SMYD3: variants seen among roughly 807,000 people sequenced by gnomAD.
SMYD3 encodes the protein SET and MYND domain containing 3.
SMYD3 carries 36 observed loss-of-function variants against 57.7 expected under a neutral mutation model. The ratio of observed to expected loss-of-function variants is 0.62; its 90% confidence interval spans 0.48 to 0.82. SMYD3 has a LOEUF of 0.82. Ranked by LOEUF, SMYD3 falls within the 40% of genes least tolerant of loss-of-function variation. The pLI is 0.00. For missense variants in SMYD3, 515 were observed against 538.8 expected (o/e 0.96, Z 0.44); for synonymous variants, 211 against 195.0 (o/e 1.08, Z -0.68).
intron 8 of SMYD3, among the ~76,000 whole-genome samples, chr1:245,904,360 C>A (rs2054406060): frequency 6.6e-6 from 1 of 152,116 alleles, no homozygotes; most frequent in Admixed American, 6.5e-5. Flanking sequence ...AACTGTGAGA[C>A]AATTAAAACT....
At chr1:246,410,607 A>G (rs1187190047) in intron 1 of SMYD3, among the ~76,000 whole-genome samples, 1 of 152,196 alleles carries the variant, frequency 6.6e-6, no homozygotes, top group Admixed American at 6.5e-5. Context: ...ATCGATGTTC[A>G]TCAAGGATAT....
chr1:246,268,933 C>A (rs2064163812), intron 5 of SMYD3, among the ~76,000 whole-genome samples: 2 of 148,674 alleles, frequency 1.3e-5, no homozygotes, highest in Admixed American at 1.4e-4. Flanking sequence ...ATAAAATGAT[C>A]CAAACTTCAT....
rs111362662 is a variant in SMYD3, at chr1:246,466,765, T to C, written c.164+40289A>G. On this transcript the variant is annotated intron_variant, in intron 1 of 11. Transcript: ENST00000490107. ...CAGGAGGCTGATGGGGGAGGATCACTTGAGCCCGGGAAATCAAGGCTCCAG... is the reference window on the plus strand; with the variant it reads ...CAGGAGGCTGATGGGGGAGGATCACCTGAGCCCGGGAAATCAAGGCTCCAG... Among the ~76,000 whole-genome samples, 930 of 152,288 alleles carry C rather than the reference T, an allele frequency of 6.1e-3. 8 individuals carry two copies. The highest frequency in any genetic ancestry group is 0.021 in the African/African-American group (885 of 41,558).
At chr1:245,766,533 C>T (rs2046112024) in intron 10 of SMYD3, among the ~76,000 whole-genome samples, 1 of 151,940 alleles carries the variant, frequency 6.6e-6, no homozygotes, top group East Asian at 1.9e-4. Context: ...TCACCCCTTA[C>T]GAAATGAACA....
chr1:246,151,795 C>G (rs1032600456), intron 5 of SMYD3, among the ~76,000 whole-genome samples: 1 of 152,024 alleles, frequency 6.6e-6, no homozygotes, highest in African/African-American at 2.4e-5. Flanking sequence ...AGGATTCAGG[C>G]GTATGTAGGC....
At chr1:245,804,658 A>G (rs1248680158) in intron 10 of SMYD3, among the ~76,000 whole-genome samples, 1 of 152,204 alleles carries the variant, frequency 6.6e-6, no homozygotes, top group African/African-American at 2.4e-5. Context: ...GCTCTTATAA[A>G]TGAATTAGTA....
intron 8 of SMYD3, among the ~76,000 whole-genome samples, chr1:245,913,297 G>A (rs1418165768): frequency 6.6e-6 from 1 of 151,032 alleles, no homozygotes; most frequent in African/African-American, 2.4e-5. Context: ...TCACTCATAG[G>A]TGGGAATTGA....
chr1:246,076,845 A>C (rs1405687501), intron 5 of SMYD3, among the ~76,000 whole-genome samples: 4 of 152,254 alleles, frequency 2.6e-5, no homozygotes, highest in South Asian at 2.1e-4. Flanking sequence ...GCATAGAAGA[A>C]GACGAGATAA....
chr1:245,932,240 G>C (rs529194201), intron 5 of SMYD3, among the ~76,000 whole-genome samples: 87 of 152,160 alleles, frequency 5.7e-4, no homozygotes, highest in African/African-American at 2.1e-3. Context: ...GCAAATTAAC[G>C]GTTTTTTCAA....
At position 245,749,516 on chromosome 1, in the gene SMYD3, G is replaced by T; in HGVS notation, c.*47C>A. On this transcript the variant is annotated 3_prime_UTR_variant, in exon 12 of 12. Transcript: ENST00000490107. ...AGCATAGAGTGTGTGACCTCAATAAGGCATTCAACAAAGACACACGCCGTA... is the reference window on the plus strand; with the variant it reads ...AGCATAGAGTGTGTGACCTCAATAATGCATTCAACAAAGACACACGCCGTA... 7.1e-7 allele frequency: 1 copy of T among 1,408,002 alleles called. No individual in the cohort carries two copies. The highest frequency in any genetic ancestry group is 1.0e-6 in the Non-Finnish European group (1 of 992,606). 87.2% of individuals were successfully genotyped at this position (1,408,002 alleles called of 1,614,324 possible).
intron 5 of SMYD3, among the ~76,000 whole-genome samples, chr1:246,252,631 T>C (rs1479223895): frequency 6.6e-6 from 1 of 152,216 alleles, no homozygotes; most frequent in Admixed American, 6.5e-5. Context: ...TATTAACTTA[T>C]CACTGGGTAC....
At position 245,842,139 on chromosome 1, in the gene SMYD3, C is replaced by A. The variant is rs144315145; in HGVS notation, c.1076+16357G>T. ...GTGTAAATACATTTCATGACGATTGCGTGACAACAAAATCATCTAATGACG... is the reference window on the plus strand; with the variant it reads ...GTGTAAATACATTTCATGACGATTGAGTGACAACAAAATCATCTAATGACG... On this transcript the variant is annotated intron_variant, in intron 10 of 11. Coordinates refer to ENST00000490107, the MANE Select transcript of SMYD3 (RefSeq NM_001167740.2). 5.0e-3 allele frequency among the ~76,000 whole-genome samples: 760 copies of A among 152,194 alleles called. 5 individuals are homozygous for A. Among genetic ancestry groups the A allele is most frequent in the Admixed American group, 8.5e-3 (130 of 15,276 alleles).
chr1:246,036,364 C>A (rs905742586), intron 5 of SMYD3, among the ~76,000 whole-genome samples: 3 of 151,924 alleles, frequency 2.0e-5, no homozygotes, highest in Non-Finnish European at 4.4e-5. Flanking sequence ...GGATGACCAT[C>A]CCCCCATCCA....
At chr1:246,265,227 C>T (rs2064082433) in intron 5 of SMYD3, among the ~76,000 whole-genome samples, 1 of 152,110 alleles carries the variant, frequency 6.6e-6, no homozygotes, top group Admixed American at 6.5e-5. Flanking sequence ...CCTCAAACAC[C>T]TGGGCTCAAG....
chr1:246,185,348 T>C (rs1176839327), intron 5 of SMYD3, among the ~76,000 whole-genome samples: 1 of 151,694 alleles, frequency 6.6e-6, no homozygotes, highest in Admixed American at 6.6e-5. Flanking sequence ...GCGATTCTCC[T>C]GCCTCATTCT....
At position 246,214,793 on chromosome 1, in the gene SMYD3, G is replaced by A. The variant is rs182935622; in HGVS notation, c.531+112408C>T. ...CAGAATCTTCTGAATATGGAGGAAT[G>A]ATCATTAAAACAAAGAGGAATGGAG... On this transcript the variant is annotated intron_variant, in intron 5 of 11. Transcript: ENST00000490107. Among the ~76,000 whole-genome samples the A allele has an allele frequency of 3.8e-3, 574 of 152,252 alleles. 9 individuals are homozygous for A. Among genetic ancestry groups the A allele is most frequent in the African/African-American group, 0.013 (519 of 41,508 alleles).
chr1:246,423,411 T>C (rs2067173337), intron 1 of SMYD3, among the ~76,000 whole-genome samples: 1 of 151,992 alleles, frequency 6.6e-6, no homozygotes, highest in South Asian at 2.1e-4. Flanking sequence ...CATAAGATGG[T>C]CTGCATGAAC....
intron 7 of SMYD3, among the ~76,000 whole-genome samples, chr1:245,923,730 G>C (rs1164242037): frequency 6.6e-6 from 1 of 152,108 alleles, no homozygotes; most frequent in Admixed American, 6.5e-5. Context: ...CTCCTGCTCT[G>C]AGCTGCTGTA....
intron 1 of SMYD3, among the ~76,000 whole-genome samples, chr1:246,408,325 TCTCC>T (rs879921964): frequency 3.3e-5 from 5 of 152,172 alleles, no homozygotes; most frequent in Admixed American, 6.5e-5. Flanking sequence ...TATCTAAGAC[TCTCC>T]CTTCAGGATA....
Sources: allele counts gnomAD v4.1 joint callset (sites outside exome capture counted in the v4.1 genomes callset), GRCh38; gene constraint gnomAD v4.1.1; transcripts MANE v1.5; gene names NCBI Gene and HGNC (gene_info 2026-07-23, HGNC 2026-07-21).